Variants in KMT2A observed in about 807,000 individuals in gnomAD.
KMT2A encodes lysine methyltransferase 2A.
KMT2A carries 16 observed loss-of-function variants against 345.3 expected under a neutral mutation model. The ratio of observed to expected loss-of-function variants is 0.05; its 90% CI spans 0.03 to 0.07. The LOEUF (loss-of-function observed/expected upper bound fraction) is 0.07, where lower values mean the gene tolerates loss of function less well. Among genes scored for constraint, KMT2A ranks in the 10% least tolerant of loss-of-function variants. KMT2A has a pLI of 1.00. For missense variants in KMT2A, 3,272 were observed against 4,841.6 expected, an observed-to-expected ratio of 0.68 and a Z score of 9.62; for synonymous variants, 1,599 against 1,778.6, an observed-to-expected ratio of 0.90 and a Z score of 2.54.
At chr11:118,477,446 CTT>C (rs1227315136) in intron 4 of KMT2A, among the ~76,000 whole-genome samples, 2 of 127,638 alleles carry the variant, frequency 1.6e-5, no homozygotes, top group Non-Finnish European at 3.3e-5. Context: ...TTAGATTAGA[CTT>C]TTGTTTTCAG....
Position 118,484,456 on chromosome 11 carries a change from C to T in KMT2A, c.4218+142C>T, listed in dbSNP as rs972393806. ...AACTCCCATTAGCAGGTGGGTTTAG[C>T]GCTGGGAGAGCTTTGGTCAGTGTTG... On this transcript the variant is annotated intron_variant, in intron 9 of 35. Coordinates refer to ENST00000534358, the MANE Select transcript of KMT2A (RefSeq NM_001197104.2). The surrounding 1 kb of genome is among the most constrained non-coding windows in gnomAD (Gnocchi z 4.1). 60 of 816,272 alleles carry T rather than the reference C, an allele frequency of 7.4e-5. No individual in the cohort carries two copies. The African/African-American group carries it at 8.7e-4, about 12-fold the overall frequency. The allele number at this position is 816,272 out of a possible 1,614,324, so 50.6% of individuals were successfully genotyped here. A position where few individuals can be genotyped will look rare whatever the true frequency, so the allele number is the denominator to read the frequency against.
rs2134270387 is a variant in KMT2A, at chr11:118,473,728, G to T, written c.2569G>T (p.Glu857Ter). The change falls in exon 3 of 36, where the codon GAG (glutamate) becomes TAG (stop). Residue 857 changes from glutamate to a stop codon, truncating the protein, a stop_gained. Coordinates refer to ENST00000534358, the MANE Select transcript of KMT2A (RefSeq NM_001197104.2). LOFTEE classifies it high-confidence loss of function. This position sits in a 1 kb window ranked among gnomAD's most constrained non-coding sequence, Gnocchi z 5.2. ...GAGAAATAAAGACAAGGCCCCCGAG[G>T]AGCTGTCCAAAGATCGAGATGCTGA... is the stretch of plus-strand genomic sequence containing the variant. ...RGRNKDKAPE[E>*]LSKDRDADKS... 1 of 1,614,078 alleles carries T rather than the reference G, an allele frequency of 6.2e-7. No homozygotes were observed. The highest frequency in any genetic ancestry group is 8.5e-7 in the Non-Finnish European group (1 of 1,179,978).
Position 118,472,203 on chromosome 11 carries a change from C to G in KMT2A, c.1044C>G (p.Val348=), listed in dbSNP as rs2134259794. ...TTACAAAAGAAGATAAGACAGTTGT[C>G]AGACAAAGCCCTCGAAGGATTAAGC... The part of the protein sequence containing the change: ...PPLTKEDKTV[V]RQSPRRIKPV... The change falls in exon 3 of 36, where the codon GTC becomes GTG. Residue 348 remains valine (V), a synonymous_variant. Transcript: ENST00000534358. 6.2e-7 allele frequency: 1 copy of G among 1,613,746 alleles called. No individual in the cohort carries two copies. Among genetic ancestry groups the G allele is most frequent in the Non-Finnish European group, 8.5e-7 (1 of 1,179,968 alleles).
intron 1 of KMT2A, among the ~76,000 whole-genome samples, chr11:118,439,364 G>A (rs1949269755): frequency 6.6e-6 from 1 of 152,050 alleles, no homozygotes; most frequent in African/African-American, 2.4e-5. Context: ...TATTTATTTT[G>A]TATAGAAGGA....
chr11:118,439,158 C>CAAAAAA (rs34166714), intron 1 of KMT2A: 7 of 267,098 alleles, frequency 2.6e-5, no homozygotes, highest in South Asian at 5.0e-5. Flanking sequence ...GATACAGCAG[C>CAAAAAA]AAAAAAAAAA....
Position 118,472,479 on chromosome 11 carries a change from T to G in KMT2A, c.1320T>G (p.Ile440Met), listed in dbSNP as rs1949959601. Residue 440 changes from isoleucine to methionine, a missense_variant, in exon 3 of 36, where the codon ATT (isoleucine) becomes ATG (methionine). Ile to Met is a conservative substitution (Grantham distance 10). Coordinates refer to ENST00000534358, the MANE Select transcript of KMT2A (RefSeq NM_001197104.2). ...EDEDYDPPIKIARLESTPNSR... is the reference protein window; with the variant it reads ...EDEDYDPPIKMARLESTPNSR... Reference sequence around the variant, plus strand: ...AGGATTATGACCCTCCAATTAAAATTGCCCGATTAGAGTCTACACCGAATA... The same window carrying G: ...AGGATTATGACCCTCCAATTAAAATGGCCCGATTAGAGTCTACACCGAATA... 6.2e-7 allele frequency: 1 copy of G among 1,613,400 alleles called. No homozygotes were observed. The highest frequency in any genetic ancestry group is 1.3e-5 in the African/African-American group (1 of 74,664).
intron 1 of KMT2A, among the ~76,000 whole-genome samples, chr11:118,440,167 A>G (rs1555139756): frequency 6.6e-6 from 1 of 152,192 alleles, no homozygotes; most frequent in African/African-American, 2.4e-5. Context: ...ATGTAACAAC[A>G]CCTATGTTAA....
intron 24 of KMT2A, among the ~76,000 whole-genome samples, chr11:118,500,223 ATTGT>A (rs1565300323): frequency 6.6e-6 from 1 of 152,218 alleles, no homozygotes; most frequent in East Asian, 1.9e-4. Context: ...AGAAGTGCAG[ATTGT>A]TTTTATGGAT....
rs1482293598 is a variant in KMT2A, at chr11:118,436,617, C to T, written c.105C>T (p.Val35=). The T allele has an allele frequency of 3.1e-5, 36 of 1,158,604 alleles. No individual in the cohort carries two copies. Among genetic ancestry groups the T allele is most frequent in the Non-Finnish European group, 3.2e-5 (30 of 937,326 alleles). 71.8% of individuals were successfully genotyped at this position (1,158,604 alleles called of 1,614,324 possible). ...TAGGGGGCGCCCCGCGGCAACGCGT[C>T]CCGGCCCTGCTGCTTCCCCCCGGGC... ...RGLGGAPRQR[V]PALLLPPGPP... Residue 35 remains valine, a synonymous_variant, in exon 1 of 36, where the codon GTC becomes GTT. Coordinates refer to ENST00000534358, the MANE Select transcript of KMT2A (RefSeq NM_001197104.2). The surrounding 1 kb of genome is among the most constrained non-coding windows in gnomAD (Gnocchi z 6.9).
intron 1 of KMT2A, among the ~76,000 whole-genome samples, chr11:118,465,634 T>C (rs2134240803): frequency 6.6e-6 from 1 of 152,252 alleles, no homozygotes; most frequent in South Asian, 2.1e-4. Context: ...AAACCAACCC[T>C]TCTCTCCCCA....
At chr11:118,465,234 T>C (rs1010433967) in intron 1 of KMT2A, among the ~76,000 whole-genome samples, 2 of 152,070 alleles carry the variant, frequency 1.3e-5, no homozygotes, top group Admixed American at 1.3e-4. Context: ...GAAACTCTTA[T>C]CTTAAAAAGA....
chr11:118,442,645 G>A (rs1429588021), intron 1 of KMT2A, among the ~76,000 whole-genome samples: 1 of 152,174 alleles, frequency 6.6e-6, no homozygotes, highest in East Asian at 1.9e-4. Flanking sequence ...TCAGATCTGA[G>A]TTAACTTTTG....
At chr11:118,446,209 T>A (rs781850824) in intron 1 of KMT2A, among the ~76,000 whole-genome samples, 1 of 150,914 alleles carries the variant, frequency 6.6e-6, no homozygotes, top group Non-Finnish European at 1.5e-5. Context: ...ATTAGCTACA[T>A]GTCGTGGTGC....
chr11:118,467,925 T>C (rs782047867), intron 1 of KMT2A, among the ~76,000 whole-genome samples: 9 of 152,222 alleles, frequency 5.9e-5, no homozygotes, highest in Non-Finnish European at 1.2e-4. Context: ...ACTCAATCTC[T>C]GAATCATTGA....
Position 118,520,113 on chromosome 11 carries a change from C to T in KMT2A, c.11429+49C>T. 8.0e-7 allele frequency: 1 copy of T among 1,251,228 alleles called. No individual in the cohort carries two copies. The highest frequency in any genetic ancestry group is 1.2e-6 in the Non-Finnish European group (1 of 857,074). The allele number at this position is 1,251,228 out of a possible 1,614,324, so 77.5% of individuals were successfully genotyped here. The stretch of plus-strand genomic sequence containing the variant: ...CATTAGAAACTGCTTTCCCTCTCCT[C>T]CAGCTGGTCAGGGCACTACGTAGGA... On this transcript the variant is annotated intron_variant, in intron 33 of 35. Transcript: ENST00000534358. This position sits in a 1 kb window ranked among gnomAD's most constrained non-coding sequence, Gnocchi z 4.3.
chr11:118,441,082 C>G (rs1380760004), intron 1 of KMT2A, among the ~76,000 whole-genome samples: 1 of 152,040 alleles, frequency 6.6e-6, no homozygotes, highest in Non-Finnish European at 1.5e-5. Flanking sequence ...TATTATGATT[C>G]CTTTCTGTTG....
In KMT2A at chr11:118,484,383, C is replaced by G. The variant is rs1171185434; in HGVS notation, c.4218+69C>G. ...CTTTAAATAAAGAAAATGCTACTAC[C>G]AAAGGTGTTGAAAGAGGAAATCAGC... On this transcript the variant is annotated intron_variant, in intron 9 of 35. Coordinates refer to ENST00000534358, the MANE Select transcript of KMT2A (RefSeq NM_001197104.2). The surrounding 1 kb of genome is among the most constrained non-coding windows in gnomAD (Gnocchi z 4.1). The G allele has an allele frequency of 3.3e-6, 5 of 1,527,514 alleles. No individual in the cohort carries two copies. Among genetic ancestry groups the G allele is most frequent in the Non-Finnish European group, 4.5e-6 (5 of 1,114,326 alleles). 94.6% of individuals were successfully genotyped at this position (1,527,514 alleles called of 1,614,324 possible).
chr11:118,477,722 G>A (rs1555037963), intron 4 of KMT2A, among the ~76,000 whole-genome samples: 1 of 151,524 alleles, frequency 6.6e-6, no homozygotes, highest in Non-Finnish European at 1.5e-5. Context: ...GGCCAGGCTG[G>A]TCTCAAACCC....
chr11:118,482,169 G>C (rs1555039507), intron 7 of KMT2A, 77 bp downstream of exon 7: 1 of 1,449,426 alleles, frequency 6.9e-7, no homozygotes, highest in African/African-American at 1.4e-5. Context: ...AACAGCATTT[G>C]AAAGCAGGAA....
Sources: allele counts gnomAD v4.1 joint callset (sites outside exome capture counted in the v4.1 genomes callset), GRCh38; gene constraint gnomAD v4.1.1; non-coding constraint Gnocchi (gnomAD v3.1); transcripts MANE v1.5; gene names NCBI Gene and HGNC (gene_info 2026-07-23, HGNC 2026-07-21).